The following SMIM41 variants were observed in gnomAD, a reference collection of about 807,000 sequenced individuals.
The protein encoded by SMIM41 is small integral membrane protein 41.
rs1939790173 is a variant in SMIM41, at chr12:52,079,758, T to A, written c.-22T>A. The A allele has an allele frequency of 1.0e-5, 4 of 392,782 alleles. No individual in the cohort carries two copies. The South Asian group carries it at 5.1e-4, about 50-fold the overall frequency. 24.3% of individuals were successfully genotyped at this position (392,782 alleles called of 1,614,324 possible). A position where few individuals can be genotyped will look rare whatever the true frequency, so the allele number is the denominator to read the frequency against. ...CTGCACATCTGGCGATCCCGCCACA[T>A]CTGGGCAGCCGGCGCTGGAGCATGA... On this transcript the variant is annotated 5_prime_UTR_variant, in exon 1 of 3. Transcript: ENST00000546390.
At chr12:52,096,588 AATT>A (rs1391124587) in intron 2 of SMIM41, among the ~76,000 whole-genome samples, 3 of 151,828 alleles carry the variant, frequency 2.0e-5, no homozygotes, top group Non-Finnish European at 4.4e-5. Flanking sequence ...CATTAATAGT[AATT>A]ATTAGGAGCT....
chr12:52,094,443 T>C (rs1940056883), intron 2 of SMIM41, among the ~76,000 whole-genome samples: 1 of 152,140 alleles, frequency 6.6e-6, no homozygotes, highest in Admixed American at 6.5e-5. Flanking sequence ...CCTCAGGTGA[T>C]CTACCTGCCT....
At chr12:52,100,911 A>G (rs1478547290) in intron 2 of SMIM41, among the ~76,000 whole-genome samples, 2 of 152,188 alleles carry the variant, frequency 1.3e-5, no homozygotes, top group South Asian at 2.1e-4. Flanking sequence ...AAAGTTTCGC[A>G]TTCTGAGACA....
chr12:52,092,386 G>A (rs189827579), intron 2 of SMIM41: 64 of 152,292 alleles, frequency 4.2e-4, no homozygotes, highest in African/African-American at 1.4e-3. Context: ...AGACCAAGGC[G>A]GTGTTTCTTT....
intron 2 of SMIM41, among the ~76,000 whole-genome samples, chr12:52,098,510 TGGGG>T (rs34282492): frequency 1.3e-4 from 19 of 147,122 alleles, no homozygotes; most frequent in African/African-American, 4.8e-4. Context: ...AACAATATCG[TGGGG>T]GGGGGGGGAC....
intron 2 of SMIM41, among the ~76,000 whole-genome samples, chr12:52,099,855 C>T (rs1309214948): frequency 6.6e-6 from 1 of 152,042 alleles, no homozygotes; most frequent in Non-Finnish European, 1.5e-5. Context: ...TAATATTATC[C>T]TCTCCCGCCC....
At chr12:52,100,512 A>C (rs1940196718) in intron 2 of SMIM41, among the ~76,000 whole-genome samples, 2 of 151,364 alleles carry the variant, frequency 1.3e-5, no homozygotes. Flanking sequence ...GCTGGAGTGC[A>C]ATGGCACAAT....
chr12:52,098,737 G>C (rs937615731), intron 2 of SMIM41, among the ~76,000 whole-genome samples: 4 of 137,156 alleles, frequency 2.9e-5, no homozygotes, highest in Admixed American at 6.9e-5. Context: ...AATATCACGG[G>C]GGGGGGGGTG....
intron 2 of SMIM41, among the ~76,000 whole-genome samples, chr12:52,095,254 C>T (rs552399300): frequency 7.9e-5 from 12 of 152,058 alleles, no homozygotes; most frequent in Admixed American, 2.6e-4. Context: ...GGGCGCCCCC[C>T]GCGATGCGGG....
chr12:52,095,640 G>C (rs1197298080), intron 2 of SMIM41, among the ~76,000 whole-genome samples: 1 of 152,106 alleles, frequency 6.6e-6, no homozygotes, highest in Non-Finnish European at 1.5e-5. Context: ...GATATTGAAA[G>C]TAATATCATC....
At position 52,080,150 on chromosome 12, in the gene SMIM41, AC is replaced by A; in HGVS notation, c.*93del. 8.8e-6 allele frequency: 3 copies of A among 339,118 alleles called. No homozygotes were observed. Among genetic ancestry groups the A allele is most frequent in the Non-Finnish European group, 1.6e-5 (3 of 187,992 alleles). 21.0% of individuals were successfully genotyped at this position (339,118 alleles called of 1,614,324 possible). On this transcript the variant is annotated 3_prime_UTR_variant, in exon 1 of 3. Coordinates refer to ENST00000546390, the MANE Select transcript of SMIM41 (RefSeq NM_001369216.1). ...ATGCCCGACGGCTGCTGCGGTCCCG[AC>A]CCCTTACCCGAAGCGGCGCGCCCCA... is the stretch of plus-strand genomic sequence containing the variant.
intron 2 of SMIM41, among the ~76,000 whole-genome samples, chr12:52,104,469 G>A (rs1433089361): frequency 0.045 from 6,461 of 144,914 alleles, no homozygotes; most frequent in African/African-American, 0.13. Flanking sequence ...GCACCACGCA[G>A]GGAGGACAGT....
At chr12:52,106,421 T>C (rs528154495) in intron 2 of SMIM41, among the ~76,000 whole-genome samples, 92 of 152,264 alleles carry the variant, frequency 6.0e-4, no homozygotes, top group Non-Finnish European at 8.5e-4. Flanking sequence ...CAGCTCACTG[T>C]AGCCTCTGCC....
At chr12:52,097,587 A>G (rs149990781) in intron 2 of SMIM41, among the ~76,000 whole-genome samples, 219 of 152,206 alleles carry the variant, frequency 1.4e-3, no homozygotes, top group African/African-American at 5.0e-3. Flanking sequence ...ATTGAACCTT[A>G]TGAACAAGAT....
At chr12:52,087,821 C>T (rs918385560) in intron 2 of SMIM41, 7 of 152,382 alleles carry the variant, frequency 4.6e-5, no homozygotes, top group African/African-American at 1.7e-4. Flanking sequence ...ATCCAGACTC[C>T]CTCAGCTCCT....
intron 1 of SMIM41, among the ~76,000 whole-genome samples, chr12:52,083,155 C>T (rs765846517): frequency 6.6e-6 from 1 of 152,166 alleles, no homozygotes; most frequent in Non-Finnish European, 1.5e-5. Flanking sequence ...ATGCCTGGTG[C>T]AGCAGGTGCT....
At chr12:52,103,652 G>T (rs577785459) in intron 2 of SMIM41, among the ~76,000 whole-genome samples, 1 of 152,088 alleles carries the variant, frequency 6.6e-6, no homozygotes, top group Non-Finnish European at 1.5e-5. Flanking sequence ...CCAGCTACTC[G>T]GGAGACTGAG....
At position 52,081,490 on chromosome 12, in the gene SMIM41, G is replaced by A. The variant is rs1034269494; in HGVS notation, c.*120+1309G>A. ...CACCACACTGGCCTTGCTGAGCCAGGGACTTCTCACCTCAGGGCCCCCTCA... is the reference window on the plus strand; with the variant it reads ...CACCACACTGGCCTTGCTGAGCCAGAGACTTCTCACCTCAGGGCCCCCTCA... On this transcript the variant is annotated intron_variant, in intron 1 of 2. Coordinates refer to ENST00000546390, the MANE Select transcript of SMIM41 (RefSeq NM_001369216.1). This position sits in a 1 kb window ranked among gnomAD's most constrained non-coding sequence, Gnocchi z 4.1. Among the ~76,000 whole-genome samples the A allele has an allele frequency of 2.0e-5, 3 of 152,072 alleles. No homozygotes were observed. The highest frequency in any genetic ancestry group is 4.1e-4 in the South Asian group (2 of 4,832).
intron 1 of SMIM41, among the ~76,000 whole-genome samples, chr12:52,082,523 G>C (rs753500336): frequency 6.6e-6 from 1 of 152,188 alleles, no homozygotes; most frequent in East Asian, 1.9e-4. Context: ...CTGTCAGGCT[G>C]AGTGGGCAGG....
Sources: allele counts gnomAD v4.1 joint callset (sites outside exome capture counted in the v4.1 genomes callset), GRCh38; gene constraint gnomAD v4.1.1; non-coding constraint Gnocchi (gnomAD v3.1); transcripts MANE v1.5; gene names NCBI Gene and HGNC (gene_info 2026-07-23, HGNC 2026-07-21).